Variants in IMMP2L observed in about 807,000 individuals in gnomAD.
IMMP2L encodes the protein inner mitochondrial membrane peptidase subunit 2.
In IMMP2L, 18 loss-of-function variants were observed where a neutral mutation model predicts 19.3. The ratio of observed to expected loss-of-function variants is 0.93; its 90% CI spans 0.64 to 1.38. The LOEUF is 1.38. Among genes scored for constraint, IMMP2L ranks in the 40% most tolerant of loss-of-function variants. The pLI is 0.00. For missense variants in IMMP2L, 233 were observed against 218.2 expected (o/e 1.07, Z -0.43); for synonymous variants, 76 against 73.0 (o/e 1.04, Z -0.21).
intron 3 of IMMP2L, among the ~76,000 whole-genome samples, chr7:111,093,166 T>G (rs1309336700): frequency 6.6e-6 from 1 of 152,170 alleles, no homozygotes; most frequent in Non-Finnish European, 1.5e-5. Context: ...TTTCTCTCTG[T>G]AAGATGAACA....
At chr7:111,408,300 T>G (rs772778774) in intron 3 of IMMP2L, among the ~76,000 whole-genome samples, 1 of 151,726 alleles carries the variant, frequency 6.6e-6, no homozygotes, top group Non-Finnish European at 1.5e-5. Flanking sequence ...ATAAGACAGC[T>G]TGGCCAGTAC....
chr7:111,281,246 A>C (rs1358982544), intron 3 of IMMP2L, among the ~76,000 whole-genome samples: 1 of 137,436 alleles, frequency 7.3e-6, no homozygotes, highest in Non-Finnish European at 1.5e-5. Flanking sequence ...GAAAGAAAGA[A>C]GAGAGAGAGA....
intron 3 of IMMP2L, among the ~76,000 whole-genome samples, chr7:111,297,503 A>C (rs985463171): frequency 5.3e-5 from 8 of 152,172 alleles, no homozygotes; most frequent in Non-Finnish European, 2.9e-5. Context: ...ACATTTTGGC[A>C]GTTTTAGAAA....
intron 3 of IMMP2L, among the ~76,000 whole-genome samples, chr7:111,159,790 A>C (rs1489304605): frequency 6.6e-6 from 1 of 152,164 alleles, no homozygotes; most frequent in Non-Finnish European, 1.5e-5. Context: ...AACTTTTGAT[A>C]ATATATTTTA....
chr7:111,021,657 A>G (rs1306766317), intron 3 of IMMP2L, among the ~76,000 whole-genome samples: 1 of 152,140 alleles, frequency 6.6e-6, no homozygotes, highest in African/African-American at 2.4e-5. Context: ...CCAAGGTGGG[A>G]GGATCACCTG....
intron 1 of IMMP2L, among the ~76,000 whole-genome samples, chr7:111,556,511 T>C (rs376906678): frequency 1.3e-5 from 2 of 152,094 alleles, no homozygotes; most frequent in Non-Finnish European, 2.9e-5. Context: ...TCTATTCTCA[T>C]GTCCAGCCCC....
At chr7:111,438,591 C>T (rs947161216) in intron 3 of IMMP2L, among the ~76,000 whole-genome samples, 5 of 151,862 alleles carry the variant, frequency 3.3e-5, no homozygotes, top group African/African-American at 9.7e-5. Flanking sequence ...CTTATTCACA[C>T]AAAGCTGTGT....
chr7:111,208,626 A>G (rs1220301913), intron 3 of IMMP2L, among the ~76,000 whole-genome samples: 3 of 152,210 alleles, frequency 2.0e-5, no homozygotes, highest in Admixed American at 2.0e-4. Context: ...GAGTTATAAA[A>G]CAAATGAAAA....
chr7:110,878,196 C>G (rs1489360606), intron 5 of IMMP2L, among the ~76,000 whole-genome samples: 1 of 152,120 alleles, frequency 6.6e-6, no homozygotes. Flanking sequence ...ATATTCACCA[C>G]AGTTGTGCAT....
intron 3 of IMMP2L, among the ~76,000 whole-genome samples, chr7:111,401,667 T>A (rs1027519871): frequency 6.6e-6 from 1 of 152,084 alleles, no homozygotes; most frequent in South Asian, 2.1e-4. Flanking sequence ...CTTTAAATAT[T>A]CACGAAGTCT....
chr7:111,310,435 T>C (rs1431868730), intron 3 of IMMP2L, among the ~76,000 whole-genome samples: 1 of 152,044 alleles, frequency 6.6e-6, no homozygotes, highest in Non-Finnish European at 1.5e-5. Context: ...AATTAACTTT[T>C]ATGTTAAAGT....
intron 1 of IMMP2L, among the ~76,000 whole-genome samples, chr7:111,530,731 G>T (rs192408568): frequency 6.6e-6 from 1 of 151,986 alleles, no homozygotes; most frequent in African/African-American, 2.4e-5. Context: ...TAGGTGGTGG[G>T]TTTAAAAATG....
At chr7:111,115,705 C>T (rs1173875829) in intron 3 of IMMP2L, among the ~76,000 whole-genome samples, 6 of 151,862 alleles carry the variant, frequency 4.0e-5, no homozygotes, top group Non-Finnish European at 7.4e-5. Flanking sequence ...CACACTCTGT[C>T]GCTCAGGCTA....
intron 5 of IMMP2L, among the ~76,000 whole-genome samples, chr7:110,768,308 G>GAA (rs56248524): frequency 8.3e-6 from 1 of 120,886 alleles, no homozygotes; most frequent in Non-Finnish European, 1.7e-5. Flanking sequence ...GAAAAGAAAG[G>GAA]AAAAAAAAAA....
At chr7:111,385,737 A>T (rs1188988990) in intron 3 of IMMP2L, among the ~76,000 whole-genome samples, 1 of 152,116 alleles carries the variant, frequency 6.6e-6, no homozygotes, top group Non-Finnish European at 1.5e-5. Flanking sequence ...AAAAGGAAAA[A>T]AATTACAAAT....
intron 3 of IMMP2L, among the ~76,000 whole-genome samples, chr7:111,305,373 G>A (rs1169217926): frequency 6.6e-6 from 1 of 152,168 alleles, no homozygotes; most frequent in Non-Finnish European, 1.5e-5. Flanking sequence ...TTGTCACCCA[G>A]GCTGGAGTGC....
intron 3 of IMMP2L, among the ~76,000 whole-genome samples, chr7:110,982,038 T>C (rs185107969): frequency 1.3e-5 from 2 of 152,294 alleles, no homozygotes; most frequent in African/African-American, 4.8e-5. Flanking sequence ...AGGTGAAGCA[T>C]ACATTGCAAG....
At chr7:110,894,936 C>A (rs887106122) in intron 4 of IMMP2L, among the ~76,000 whole-genome samples, 1 of 152,108 alleles carries the variant, frequency 6.6e-6, no homozygotes, top group South Asian at 2.1e-4. Flanking sequence ...AAAAACTATT[C>A]TTTCTCCCTT....
intron 3 of IMMP2L, among the ~76,000 whole-genome samples, chr7:111,374,709 C>T (rs911264441): frequency 3.3e-5 from 5 of 152,046 alleles, no homozygotes. Flanking sequence ...GCTAATAGGG[C>T]CTGACCACAT....
Sources: allele counts gnomAD v4.1 joint callset (sites outside exome capture counted in the v4.1 genomes callset), GRCh38; gene constraint gnomAD v4.1.1; transcripts MANE v1.5; gene names NCBI Gene and HGNC (gene_info 2026-07-23, HGNC 2026-07-21).